The following AK8 variants were observed in gnomAD, a reference collection of about 807,000 sequenced individuals.
AK8 encodes the protein ATP-AMP transphosphorylase 8.
In AK8, 44 loss-of-function variants were observed where a neutral mutation model predicts 54.6. The observed-to-expected ratio is 0.81, with a 90% CI of 0.63 to 1.04. The LOEUF (loss-of-function observed/expected upper bound fraction) is 1.04. AK8 is among the 50% of genes least tolerant of loss of function. The pLI is 0.00. For synonymous variants in AK8, 239 were observed against 245.6 expected (o/e 0.97, Z 0.25); for missense variants, 555 against 613.6 (o/e 0.90, Z 1.01).
In AK8 at chr9:132,826,624, ACATCTGAGTG is replaced by A. The variant is rs1385014733; in HGVS notation, c.757+220_757+229del. On this transcript the variant is annotated intron_variant, in intron 8 of 12. Coordinates refer to ENST00000298545, the MANE Select transcript of AK8 (RefSeq NM_152572.3). This position sits in a 1 kb window ranked among gnomAD's most constrained non-coding sequence, Gnocchi z 4.5. ...TCTGCTGTGGGCCAGAGATGTGACC[ACATCTGAGTG>A]TGGGACATTAGCCCAGGGTCTCCAA... Among the ~76,000 whole-genome samples, 1 of 151,500 alleles carries A rather than the reference ACATCTGAGTG, an allele frequency of 6.6e-6. No individual in the cohort carries two copies. The highest frequency in any genetic ancestry group is 1.9e-4 in the East Asian group (1 of 5,148).
intron 5 of AK8, 22 bp downstream of exon 5, chr9:132,854,835 C>G (rs1843113142): frequency 6.2e-7 from 1 of 1,613,746 alleles, no homozygotes; most frequent in Admixed American, 1.7e-5. Flanking sequence ...GCACTGAAAC[C>G]CCTAGCTCAC....
chr9:132,756,046 C>T (rs1352621615), intron 11 of AK8, among the ~76,000 whole-genome samples: 1 of 152,216 alleles, frequency 6.6e-6, no homozygotes, highest in African/African-American at 2.4e-5. Flanking sequence ...GGATTACAGG[C>T]ATGAGCCACC....
Position 132,853,353 on chromosome 9 carries a change from G to A in AK8, c.402+1504C>T, listed in dbSNP as rs142168379. On this transcript the variant is annotated intron_variant, in intron 5 of 12. Transcript: ENST00000298545. ...TACCTGGGCGACAGAATGAGACTCC[G>A]CCTCAAAAAAAAAAAAAAAGAAAAG... is the stretch of plus-strand genomic sequence containing the variant. Among the ~76,000 whole-genome samples, 90 of 90,680 alleles carry A rather than the reference G, an allele frequency of 9.9e-4. No individual in the cohort carries two copies. In the East Asian group the frequency reaches 0.02, roughly 21 times the overall value. The allele number at this position is 90,680 out of a possible 152,430, so 59.5% of individuals were successfully genotyped here.
upstream of AK8, chr9:132,878,313 C>G: frequency 3.0e-6 from 4 of 1,321,696 alleles, no homozygotes; most frequent in Non-Finnish European, 3.9e-6. This position sits in a 1 kb window ranked among gnomAD's most constrained non-coding sequence, Gnocchi z 4.7. Flanking sequence ...GCCGCGCCGA[C>G]TGCGTCATCA....
At chr9:132,800,628 TAAC>T (rs1164424140) in intron 10 of AK8, among the ~76,000 whole-genome samples, 2 of 152,222 alleles carry the variant, frequency 1.3e-5, no homozygotes, top group Admixed American at 6.5e-5. Flanking sequence ...CTCTACTGCT[TAAC>T]AACGTTTAAA....
At chr9:132,778,083 C>T (rs760422543) in intron 11 of AK8, among the ~76,000 whole-genome samples, 8 of 152,174 alleles carry the variant, frequency 5.3e-5, no homozygotes, top group Non-Finnish European at 1.2e-4. Context: ...TGGGGGCTTC[C>T]GTTAGGATGG....
At chr9:132,878,422 C>T (rs1278845505), upstream of AK8, 2 of 1,234,680 alleles carry the variant, frequency 1.6e-6, no homozygotes, top group Non-Finnish European at 2.0e-6. The surrounding 1 kb of genome is among the most constrained non-coding windows in gnomAD (Gnocchi z 4.7). Flanking sequence ...CCGGCTGACG[C>T]GCTCTGCGGC....
intron 10 of AK8, among the ~76,000 whole-genome samples, chr9:132,811,809 G>A (rs1249720400): frequency 1.3e-5 from 2 of 152,190 alleles, no homozygotes; most frequent in Non-Finnish European, 1.5e-5. Flanking sequence ...CCATACAAGA[G>A]TGTGCATTTT....
chr9:132,816,784 T>C (rs2131268542), intron 9 of AK8, among the ~76,000 whole-genome samples: 1 of 152,324 alleles, frequency 6.6e-6, no homozygotes, highest in South Asian at 2.1e-4. Flanking sequence ...GATTTCTACC[T>C]ATGGGCACTT....
At chr9:132,817,276 G>A (rs1841375027) in intron 9 of AK8, among the ~76,000 whole-genome samples, 1 of 152,154 alleles carries the variant, frequency 6.6e-6, no homozygotes, top group South Asian at 2.1e-4. Flanking sequence ...AAAGCAGAAT[G>A]GTGACACAAT....
At chr9:132,793,902 G>T (rs1840043793) in intron 10 of AK8, among the ~76,000 whole-genome samples, 1 of 152,174 alleles carries the variant, frequency 6.6e-6, no homozygotes, top group African/African-American at 2.4e-5. Flanking sequence ...GAAGCTGCCT[G>T]GTTACCCTCC....
At chr9:132,853,493 C>T (rs1219356304) in intron 5 of AK8, among the ~76,000 whole-genome samples, 1 of 151,792 alleles carries the variant, frequency 6.6e-6, no homozygotes, top group Non-Finnish European at 1.5e-5. Flanking sequence ...ATAGAAACCA[C>T]AGTGGTCAGA....
intron 1 of AK8, among the ~76,000 whole-genome samples, chr9:132,877,537 G>A (rs1844178590): frequency 6.6e-6 from 1 of 152,316 alleles, no homozygotes; most frequent in South Asian, 2.1e-4. Context: ...ACGTGCAAAA[G>A]GGAAAACTGG....
intron 4 of AK8, among the ~76,000 whole-genome samples, chr9:132,856,752 C>G (rs565488884): frequency 6.6e-6 from 1 of 152,142 alleles, no homozygotes; most frequent in Non-Finnish European, 1.5e-5. Flanking sequence ...GCGGGAGCTG[C>G]GGCAGCCACT....
At chr9:132,827,760 AC>A in intron 7 of AK8, 3 of 480,664 alleles carry the variant, frequency 6.2e-6, no homozygotes, top group Non-Finnish European at 3.7e-6. Context: ...GCCTGGCATG[AC>A]CCCCCACACT....
intron 5 of AK8, among the ~76,000 whole-genome samples, chr9:132,848,861 G>C (rs1236883615): frequency 1.3e-5 from 2 of 151,234 alleles, no homozygotes; most frequent in African/African-American, 4.9e-5. Context: ...TAGTTAAAAT[G>C]AAAGTCTATG....
chr9:132,864,063 A>G (rs1333575124), intron 3 of AK8, among the ~76,000 whole-genome samples: 2 of 152,234 alleles, frequency 1.3e-5, no homozygotes, highest in Non-Finnish European at 2.9e-5. Context: ...CGTGCTTTCC[A>G]AGCTCTGTGG....
intron 11 of AK8, among the ~76,000 whole-genome samples, chr9:132,734,186 C>T (rs1334932891): frequency 3.9e-5 from 6 of 152,200 alleles, no homozygotes. Flanking sequence ...GCGTAAAATA[C>T]AGATTGCAGG....
intron 10 of AK8, among the ~76,000 whole-genome samples, chr9:132,811,237 A>G (rs1840990431): frequency 1.3e-5 from 2 of 152,238 alleles, no homozygotes; most frequent in Non-Finnish European, 2.9e-5. Context: ...GTTCCCTGAT[A>G]TGGCAAAAAG....
Sources: gnomAD v4.1 joint callset for allele counts (sites outside exome capture counted in the v4.1 genomes callset) on GRCh38, gnomAD v4.1.1 for gene constraint, Gnocchi (gnomAD v3.1) non-coding constraint, MANE v1.5 for transcripts, NCBI Gene and HGNC (gene_info 2026-07-23, HGNC 2026-07-21) for gene names.